Variants in ADAM19 observed in about 807,000 individuals in gnomAD.
The protein encoded by ADAM19 is ADAM metallopeptidase domain 19, also known as disintegrin and metalloproteinase domain-containing protein 19.
ADAM19 carries 65 observed loss-of-function variants against 114.7 expected under a neutral mutation model. The ratio of observed to expected loss-of-function variants is 0.57; its 90% CI spans 0.46 to 0.70. The LOEUF (loss-of-function observed/expected upper bound fraction) is 0.70. ADAM19 is among the 30% of genes least tolerant of loss of function. The probability of loss-of-function intolerance (pLI) is 0.00; values close to 1 mark genes in which losing one functional copy is unlikely to be tolerated. For missense variants in ADAM19, 1,063 were observed against 1,204.7 expected, an observed-to-expected ratio of 0.88 and a Z score of 1.74; for synonymous variants, 466 against 460.5, an observed-to-expected ratio of 1.01 and a Z score of -0.15.
intron 4 of ADAM19, among the ~76,000 whole-genome samples, chr5:157,532,779 T>A (rs1756660201): frequency 6.6e-6 from 1 of 152,148 alleles, no homozygotes; most frequent in Non-Finnish European, 1.5e-5. Flanking sequence ...TGGCTCCACC[T>A]CCCTCCCAGC....
chr5:157,495,686 T>G (rs1208132377), intron 14 of ADAM19, among the ~76,000 whole-genome samples: 1 of 152,186 alleles, frequency 6.6e-6, no homozygotes, highest in Non-Finnish European at 1.5e-5. Flanking sequence ...CAGGCTGGAA[T>G]GCAGTGGCAC....
At chr5:157,490,127 A>G (rs1755098908) in intron 19 of ADAM19, among the ~76,000 whole-genome samples, 183 bp downstream of exon 19, 1 of 152,244 alleles carries the variant, frequency 6.6e-6, no homozygotes, top group African/African-American at 2.4e-5. Flanking sequence ...TCAGTAGAGT[A>G]CTTACAATAA....
rs1324042738 is a variant in ADAM19, at chr5:157,563,590, G to A, written c.251+783C>T. 5.3e-5 allele frequency among the ~76,000 whole-genome samples: 8 copies of A among 152,280 alleles called. No homozygotes were observed. The East Asian group carries it at 1.2e-3, about 22-fold the overall frequency. ...CAAGCCACGCAGCCTTATCTGCGAC[G>A]TCTGTGTGGCAGAACGAAAAGTGGG... On this transcript the variant is annotated intron_variant, in intron 3 of 22. Coordinates refer to ENST00000257527, the MANE Select transcript of ADAM19 (RefSeq NM_033274.5).
chr5:157,478,470 C>A lies in ADAM19; in HGVS notation c.*2479G>T. The A allele has an allele frequency of 4.2e-6, 3 of 713,400 alleles. No homozygotes were observed. The highest frequency in any genetic ancestry group is 5.2e-6 in the Non-Finnish European group (3 of 581,736). The allele number at this position is 713,400 out of a possible 1,614,324, so 44.2% of individuals were successfully genotyped here. On this transcript the variant is annotated 3_prime_UTR_variant, in exon 23 of 23. Transcript: ENST00000257527. ...TTCACTATTCCCATAAGGCCCCTTC[C>A]TCTCCCTTTTGCAATATTCCCTTTC...
At chr5:157,563,753 A>G (rs186664885) in intron 3 of ADAM19, among the ~76,000 whole-genome samples, 42 of 152,288 alleles carry the variant, frequency 2.8e-4, no homozygotes, top group Admixed American at 1.9e-3. Flanking sequence ...CACCTCCTCC[A>G]TTACATGAAT....
At chr5:157,510,236 A>G (rs1755874380) in intron 8 of ADAM19, among the ~76,000 whole-genome samples, 1 of 152,200 alleles carries the variant, frequency 6.6e-6, no homozygotes, top group Non-Finnish European at 1.5e-5. Context: ...GCACTCTGGG[A>G]GGCTAAGGTG....
Position 157,479,460 on chromosome 5 carries a change from CCACCCAG to C in ADAM19, c.*1482_*1488del, listed in dbSNP as rs1754684094. ...GTCAGGCCAGCTCCTGTCCGGAGAG[CCACCCAG>C]CACCTTTGTGGAGTGGGAGTCTATC... On this transcript the variant is annotated 3_prime_UTR_variant, in exon 23 of 23. Transcript: ENST00000257527. 15 of 985,794 alleles carry C rather than the reference CCACCCAG, an allele frequency of 1.5e-5. No individual in the cohort carries two copies. Among genetic ancestry groups the C allele is most frequent in the Non-Finnish European group, 1.8e-5 (15 of 830,018 alleles). The allele number at this position is 985,794 out of a possible 1,614,324, so 61.1% of individuals were successfully genotyped here.
chr5:157,493,388 A>G (rs1429760622), intron 15 of ADAM19, among the ~76,000 whole-genome samples: 1 of 152,180 alleles, frequency 6.6e-6, no homozygotes, highest in Non-Finnish European at 1.5e-5. Context: ...GACCCTGAGC[A>G]AATCTAGACC....
chr5:157,514,747 C>T (rs1756041999), intron 7 of ADAM19, among the ~76,000 whole-genome samples: 1 of 152,154 alleles, frequency 6.6e-6, no homozygotes, highest in African/African-American at 2.4e-5. Context: ...ATTCCTGCCT[C>T]AAAAAGATAG....
At chr5:157,503,357 C>T (rs1035543170) in intron 11 of ADAM19, among the ~76,000 whole-genome samples, 22 of 151,836 alleles carry the variant, frequency 1.4e-4, no homozygotes, top group African/African-American at 4.1e-4. Context: ...TAGCAAGAGG[C>T]GGGGAGGGAT....
intron 1 of ADAM19, among the ~76,000 whole-genome samples, chr5:157,574,797 AC>A (rs1367493337): frequency 6.6e-6 from 1 of 152,010 alleles, no homozygotes; most frequent in Non-Finnish European, 1.5e-5. Flanking sequence ...CACGGACATC[AC>A]CCGGCATCTT....
intron 5 of ADAM19, among the ~76,000 whole-genome samples, chr5:157,525,298 T>A (rs1455028887): frequency 1.3e-5 from 2 of 152,144 alleles, no homozygotes; most frequent in Non-Finnish European, 2.9e-5. Context: ...TGCCACTTCT[T>A]CTCCAGGGCT....
At chr5:157,502,776 C>T in intron 12 of ADAM19, 27 bp downstream of exon 12, 19 of 1,602,302 alleles carry the variant, frequency 1.2e-5, no homozygotes, top group Non-Finnish European at 1.5e-5. Context: ...TTCTTCCCCT[C>T]CCACTAGCAC....
chr5:157,483,736 C>T lies in ADAM19; in HGVS notation c.2551-1793G>A, dbSNP rs144856068. 3.0e-3 allele frequency among the ~76,000 whole-genome samples: 457 copies of T among 151,208 alleles called. 2 individuals are homozygous for T. Among genetic ancestry groups the T allele is most frequent in the Non-Finnish European group, 4.0e-3 (274 of 67,904 alleles). ...GCAACCTCTGCCTCCGGAGTTCAAACGATTCTCTTGCCTCAGCCTCCTGAG... is the reference window on the plus strand; with the variant it reads ...GCAACCTCTGCCTCCGGAGTTCAAATGATTCTCTTGCCTCAGCCTCCTGAG... On this transcript the variant is annotated intron_variant, in intron 21 of 22. Coordinates refer to ENST00000257527, the MANE Select transcript of ADAM19 (RefSeq NM_033274.5).
chr5:157,560,904 A>G (rs988885397), intron 3 of ADAM19, among the ~76,000 whole-genome samples: 1 of 152,238 alleles, frequency 6.6e-6, no homozygotes, highest in Non-Finnish European at 1.5e-5. Flanking sequence ...TGGAATACAA[A>G]CAAGGCACTC....
intron 3 of ADAM19, among the ~76,000 whole-genome samples, chr5:157,559,515 C>T (rs142165158): frequency 2.7e-4 from 41 of 152,254 alleles, no homozygotes; most frequent in African/African-American, 9.6e-4. Context: ...TTCAGTGTGC[C>T]CTCCTTTTGG....
chr5:157,480,780 G>A lies in ADAM19; in HGVS notation c.*169C>T. 6.9e-7 allele frequency: 1 copy of A among 1,451,408 alleles called. No homozygotes were observed. Among genetic ancestry groups the A allele is most frequent in the Non-Finnish European group, 9.0e-7 (1 of 1,108,546 alleles). 89.9% of individuals were successfully genotyped at this position (1,451,408 alleles called of 1,614,324 possible). A position where few individuals can be genotyped will look rare whatever the true frequency, so the allele number is the denominator to read the frequency against. ...ATAGTCCCTCTGGGCTTCCAAGGAA[G>A]CCGAGGAGGCACTGAGTCAACAGGG... On this transcript the variant is annotated 3_prime_UTR_variant, in exon 23 of 23. Transcript: ENST00000257527.
At chr5:157,527,486 A>G (rs564774565) in intron 5 of ADAM19, among the ~76,000 whole-genome samples, 1 of 152,330 alleles carries the variant, frequency 6.6e-6, no homozygotes, top group Non-Finnish European at 1.5e-5. Flanking sequence ...CTGGGATTAC[A>G]GGCGTAAGCC....
intron 9 of ADAM19, among the ~76,000 whole-genome samples, chr5:157,508,213 C>T (rs984895361): frequency 6.6e-6 from 1 of 152,360 alleles, no homozygotes; most frequent in Middle Eastern, 3.4e-3. Flanking sequence ...TAACTATTTA[C>T]AGCCCAGGTT....
Sources: allele counts gnomAD v4.1 joint callset (sites outside exome capture counted in the v4.1 genomes callset), GRCh38; gene constraint gnomAD v4.1.1; transcripts MANE v1.5; gene names NCBI Gene and HGNC (gene_info 2026-07-23, HGNC 2026-07-21).